Variants in CDH20 observed in about 807,000 individuals in gnomAD.
CDH20 encodes cadherin-20.
In CDH20, 29 loss-of-function variants were observed where a neutral mutation model predicts 74.2. The ratio of observed to expected loss-of-function variants is 0.39; its 90% CI spans 0.29 to 0.53. The LOEUF (loss-of-function observed/expected upper bound fraction) is 0.53. CDH20 is among the 20% of genes least tolerant of loss of function. The pLI, the probability that CDH20 is intolerant of heterozygous loss-of-function variation, is 0.69. For synonymous variants in CDH20, 469 were observed against 405.4 expected, an observed-to-expected ratio of 1.16 and a Z score of -1.88; for missense variants, 988 against 1,048.3, an observed-to-expected ratio of 0.94 and a Z score of 0.79.
chr18:61,534,610 T>A (rs368342980), intron 7 of CDH20, among the ~76,000 whole-genome samples: 1 of 152,200 alleles, frequency 6.6e-6, no homozygotes, highest in East Asian at 1.9e-4. Flanking sequence ...CATGGATGAA[T>A]CTAGACGACA....
At chr18:61,413,714 TAA>T (rs554425799) in intron 1 of CDH20, among the ~76,000 whole-genome samples, 157 of 144,072 alleles carry the variant, frequency 1.1e-3, no homozygotes, top group African/African-American at 3.8e-3. Flanking sequence ...GTGGAAATGT[TAA>T]AAAAAAAAAA....
chr18:61,430,624 G>T (rs1366322790), intron 1 of CDH20, among the ~76,000 whole-genome samples: 1 of 152,230 alleles, frequency 6.6e-6, no homozygotes, highest in African/African-American at 2.4e-5. Flanking sequence ...TCCCTTCTCT[G>T]CCATTTAATT....
intron 2 of CDH20, among the ~76,000 whole-genome samples, chr18:61,493,550 C>CTTA (rs1043056718): frequency 2.0e-4 from 30 of 152,310 alleles, no homozygotes; most frequent in African/African-American, 7.2e-4. Flanking sequence ...GCTGGACCTC[C>CTTA]TTAACTGGTT....
intron 1 of CDH20, among the ~76,000 whole-genome samples, chr18:61,345,878 T>C (rs1910100934): frequency 6.6e-6 from 1 of 152,012 alleles, no homozygotes; most frequent in South Asian, 2.1e-4. Context: ...CAGACTAGGA[T>C]TGACATGGGA....
intron 1 of CDH20, among the ~76,000 whole-genome samples, chr18:61,450,763 G>T (rs895321953): frequency 6.6e-5 from 10 of 152,116 alleles, no homozygotes; most frequent in Middle Eastern, 6.8e-3. Context: ...TTGCTTTTAA[G>T]TGTACCACGG....
chr18:61,383,316 C>T (rs1427299767), intron 1 of CDH20, among the ~76,000 whole-genome samples: 1 of 152,044 alleles, frequency 6.6e-6, no homozygotes, highest in African/African-American at 2.4e-5. Context: ...CGTGGTGGCT[C>T]ATGCCTGTAA....
chr18:61,526,367 C>T (rs965215479), intron 6 of CDH20, among the ~76,000 whole-genome samples: 17 of 151,826 alleles, frequency 1.1e-4, no homozygotes, highest in African/African-American at 2.2e-4. Flanking sequence ...CAGCACCTAC[C>T]GATATTTTTT....
At chr18:61,387,937 T>C (rs534665345) in intron 1 of CDH20, among the ~76,000 whole-genome samples, 53 of 152,140 alleles carry the variant, frequency 3.5e-4, no homozygotes, top group Non-Finnish European at 5.3e-4. Flanking sequence ...TTTTGTCTCA[T>C]TGAGTGAATG....
At chr18:61,536,454 C>G (rs772675864) in intron 7 of CDH20, 39 bp from the exon 8 acceptor site, 6 of 1,595,090 alleles carry the variant, frequency 3.8e-6, no homozygotes, top group Non-Finnish European at 5.2e-6. Flanking sequence ...CATATGCTTA[C>G]CCAAATGCAA....
chr18:61,462,766 A>T (rs1909828690), intron 1 of CDH20, among the ~76,000 whole-genome samples: 1 of 151,532 alleles, frequency 6.6e-6, no homozygotes, highest in Non-Finnish European at 1.5e-5. Context: ...TGGCAGCACC[A>T]ATAATAAGGG....
At chr18:61,504,436 A>G (rs2144325204) in intron 5 of CDH20, among the ~76,000 whole-genome samples, 1 of 152,330 alleles carries the variant, frequency 6.6e-6, no homozygotes, top group East Asian at 1.9e-4. Context: ...GAAGGATTGT[A>G]CTACTAATAA....
Position 61,554,459 on chromosome 18 carries a change from A to G in CDH20, c.2170A>G (p.Ser724Gly), listed in dbSNP as rs757119618. Residue 724 changes from serine to glycine, a missense_variant, in exon 12 of 12, where the codon AGC (serine) becomes GGC (glycine). Ser to Gly is a moderately conservative substitution (Grantham distance 56, BLOSUM62 0). Around this residue, in one of 2 missense-constraint regions of CDH20, gnomAD observed 375 missense variants for 293.1 expected, o/e 1.28. Coordinates refer to ENST00000262717, the MANE Select transcript of CDH20 (RefSeq NM_031891.4). ...QTCAVNSTVHSYVLAKLYEAD... is the reference protein window; with the variant it reads ...QTCAVNSTVHGYVLAKLYEAD... ...GTGCGCAGTGAACAGCACTGTCCAC[A>G]GCTACGTGCTGGCCAAGCTCTACGA... 1.9e-6 allele frequency: 3 copies of G among 1,613,212 alleles called. No individual in the cohort carries two copies. The South Asian group carries it at 3.3e-5, about 18-fold the overall frequency.
chr18:61,369,340 A>G (rs1910957921), intron 1 of CDH20, among the ~76,000 whole-genome samples: 1 of 152,168 alleles, frequency 6.6e-6, no homozygotes, highest in South Asian at 2.1e-4. Flanking sequence ...CAAAATATCC[A>G]GGATAGGTTT....
At chr18:61,399,762 T>C (rs948955514) in intron 1 of CDH20, among the ~76,000 whole-genome samples, 9 of 152,234 alleles carry the variant, frequency 5.9e-5, no homozygotes, top group East Asian at 3.9e-4. Flanking sequence ...CTCTTTTTAA[T>C]TGATGAGTCT....
At chr18:61,447,339 G>A (rs927383233) in intron 1 of CDH20, among the ~76,000 whole-genome samples, 1 of 152,202 alleles carries the variant, frequency 6.6e-6, no homozygotes, top group African/African-American at 2.4e-5. Flanking sequence ...CATTAGACAG[G>A]ATAGCTAAAG....
rs12606006 is a variant in CDH20 at position 61,539,071 on chromosome 18, G to A, written c.1456G>A (p.Asp486Asn). The A allele has an allele frequency of 6.2e-7, 1 of 1,613,936 alleles. No individual in the cohort carries two copies. Among genetic ancestry groups the A allele is most frequent in the Non-Finnish European group, 8.5e-7 (1 of 1,179,906 alleles). The stretch of plus-strand genomic sequence containing the variant: ...TGTTCCTGTCACAATCAAAGTCTTA[G>A]ATGTGAATGACAATGCTCCAGAGTT... ...GSVPVTIKVL[D>N]VNDNAPEFPR... The change falls in exon 9 of 12, where the codon GAT becomes AAT. Residue 486 changes from aspartate to asparagine, a missense_variant. Physicochemically the swap from Asp to Asn is conservative, Grantham distance 23. Transcript: ENST00000262717.
rs542534614 is a variant in CDH20, at chr18:61,500,463, C to T, written c.622C>T (p.Leu208Phe). Residue 208 changes from leucine to phenylalanine, a missense_variant, in exon 4 of 12, where the codon CTT becomes TTT. Physicochemically the swap from Leu to Phe is conservative, Grantham distance 22. Transcript: ENST00000262717. The stretch of plus-strand genomic sequence containing the variant: ...CAGTGCCAGGGTGGTGTACAGCATT[C>T]TTCAGGGCCAGCCATATTTTTCTGT... ...GNSARVVYSI[L>F]QGQPYFSVDS... 6.2e-7 allele frequency: 1 copy of T among 1,612,296 alleles called. No individual in the cohort carries two copies. The highest frequency in any genetic ancestry group is 2.2e-5 in the East Asian group (1 of 44,866).
rs141076034 is a variant in CDH20, at chr18:61,347,611, G to T, written c.-153+13784G>T. 1.1e-3 allele frequency among the ~76,000 whole-genome samples: 173 copies of T among 151,898 alleles called. 1 individual carries two copies. In the East Asian group the frequency reaches 0.03, roughly 26 times the overall value. ...ACATGCTTTGTTAAACGTTTCTCTG[G>T]TTCCAAGGCAAATTGGAATATGCAT... On this transcript the variant is annotated intron_variant, in intron 1 of 11. Coordinates refer to ENST00000262717, the MANE Select transcript of CDH20 (RefSeq NM_031891.4).
At position 61,536,478 on chromosome 18, in the gene CDH20, T is replaced by A. The variant is rs769546627; in HGVS notation, c.1272-15T>A. 3 of 1,612,500 alleles carry A rather than the reference T, an allele frequency of 1.9e-6. No homozygotes were observed. The highest frequency in any genetic ancestry group is 1.3e-5 in the African/African-American group (1 of 74,878). On this transcript the variant is annotated splice_polypyrimidine_tract_variant and intron_variant, in intron 7 of 11. Coordinates refer to ENST00000262717, the MANE Select transcript of CDH20 (RefSeq NM_031891.4). ...ACCCAAATGCAAATGATGTACGTAA[T>A]CCATGTTTCTGCAGATACTCCATTG...
Sources: gnomAD v4.1 joint callset for allele counts (sites outside exome capture counted in the v4.1 genomes callset) on GRCh38, gnomAD v4.1.1 for gene constraint, gnomAD v4.1.1 regional missense constraint, MANE v1.5 for transcripts, NCBI Gene and HGNC (gene_info 2026-07-23, HGNC 2026-07-21) for gene names.